The following LARGE1 variants were observed in gnomAD, a reference collection of about 807,000 sequenced individuals.
LARGE1 encodes LARGE xylosyl- and glucuronyltransferase 1, also known as xylosyl- and glucuronyltransferase LARGE1.
Under a neutral mutation model 87.6 loss-of-function variants are expected in LARGE1, and 43 were observed. That is an observed-to-expected ratio of 0.49 (90% confidence interval 0.38 to 0.63). LARGE1 has a LOEUF of 0.63. LARGE1 is among the 30% of genes least tolerant of loss of function. LARGE1 has a pLI of 0.00. For synonymous variants in LARGE1, 434 were observed against 394.6 expected, an observed-to-expected ratio of 1.10 and a Z score of -1.18; for missense variants, 802 against 1,000.2, an observed-to-expected ratio of 0.80 and a Z score of 2.67.
chr22:33,466,114 G>A (rs2068597664), intron 6 of LARGE1, among the ~76,000 whole-genome samples: 1 of 152,090 alleles, frequency 6.6e-6, no homozygotes, highest in Non-Finnish European at 1.5e-5. Flanking sequence ...CCCCGGCCAT[G>A]TTGGACTTTC....
At chr22:33,236,155 C>T (rs997469667) in intron 11 of LARGE1, among the ~76,000 whole-genome samples, 1 of 152,176 alleles carries the variant, frequency 6.6e-6, no homozygotes, top group African/African-American at 2.4e-5. Flanking sequence ...ACTCTGCTGA[C>T]ACCTTGACTT....
At chr22:33,392,789 A>G (rs2065580775) in intron 7 of LARGE1, among the ~76,000 whole-genome samples, 1 of 152,226 alleles carries the variant, frequency 6.6e-6, no homozygotes, top group Non-Finnish European at 1.5e-5. Context: ...TTATTAATGG[A>G]TAATTAATGT....
intron 2 of LARGE1, among the ~76,000 whole-genome samples, chr22:33,712,630 G>A (rs1003999651): frequency 1.4e-5 from 2 of 144,934 alleles, no homozygotes; most frequent in Non-Finnish European, 3.0e-5. Context: ...TGAGGGGTGA[G>A]GGGTACAGTG....
chr22:33,466,308 T>G (rs932868716), intron 6 of LARGE1, among the ~76,000 whole-genome samples: 4 of 152,052 alleles, frequency 2.6e-5, no homozygotes, highest in Non-Finnish European at 5.9e-5. Context: ...TTACTCTTGT[T>G]CTCTCTTTCT....
intron 1 of LARGE1, among the ~76,000 whole-genome samples, chr22:33,778,285 G>C (rs1296743792): frequency 6.6e-6 from 1 of 152,136 alleles, no homozygotes; most frequent in South Asian, 2.1e-4. Context: ...CCCCTGATTT[G>C]AGCCACATAA....
intron 11 of LARGE1, among the ~76,000 whole-genome samples, chr22:33,309,154 T>C (rs997194492): frequency 6.6e-6 from 1 of 151,088 alleles, no homozygotes; most frequent in Non-Finnish European, 1.5e-5. Flanking sequence ...GGAACTCTCT[T>C]GAATGAGATT....
At chr22:33,766,045 A>G (rs998273499) in intron 1 of LARGE1, among the ~76,000 whole-genome samples, 2 of 152,210 alleles carry the variant, frequency 1.3e-5, no homozygotes, top group African/African-American at 4.8e-5. Flanking sequence ...TTTTAAGAAA[A>G]ATCTCAATCT....
intron 1 of LARGE1, among the ~76,000 whole-genome samples, chr22:33,844,538 T>C (rs139685034): frequency 6.6e-6 from 1 of 152,192 alleles, no homozygotes; most frequent in East Asian, 1.9e-4. Context: ...CCTATCTTCC[T>C]TGGGGCCCCT....
intron 1 of LARGE1, among the ~76,000 whole-genome samples, chr22:33,766,147 A>T (rs937087820): frequency 6.6e-6 from 1 of 152,188 alleles, no homozygotes; most frequent in South Asian, 2.1e-4. Flanking sequence ...TTACATCACG[A>T]ACATGTGCAA....
intron 1 of LARGE1, among the ~76,000 whole-genome samples, chr22:33,807,288 A>G (rs2086342666): frequency 6.6e-6 from 1 of 152,202 alleles, no homozygotes; most frequent in Non-Finnish European, 1.5e-5. Flanking sequence ...AAATTAATCT[A>G]CACGATTAAT....
intron 11 of LARGE1, among the ~76,000 whole-genome samples, chr22:33,255,505 T>G (rs925788907): frequency 6.6e-6 from 1 of 152,200 alleles, no homozygotes; most frequent in African/African-American, 2.4e-5. Flanking sequence ...CCCTCCAGCC[T>G]GGCAAAATGA....
intron 1 of LARGE1, among the ~76,000 whole-genome samples, chr22:33,799,585 C>A (rs981307639): frequency 1.3e-5 from 2 of 152,092 alleles, no homozygotes; most frequent in Non-Finnish European, 2.9e-5. Flanking sequence ...GGATTACAGG[C>A]ATGCACCACC....
At chr22:33,893,648 T>G (rs2065060614) in intron 1 of LARGE1, among the ~76,000 whole-genome samples, 2 of 152,198 alleles carry the variant, frequency 1.3e-5, no homozygotes, top group Non-Finnish European at 2.9e-5. Context: ...GCTTCAACTT[T>G]CAAAAGCTGT....
intron 7 of LARGE1, among the ~76,000 whole-genome samples, chr22:33,411,306 T>C (rs974055241): frequency 5.9e-5 from 9 of 152,260 alleles, no homozygotes; most frequent in South Asian, 2.1e-4. Context: ...CTGTTTCACT[T>C]GGCCACTGGT....
intron 1 of LARGE1, among the ~76,000 whole-genome samples, chr22:33,782,661 T>A (rs2085459509): frequency 6.6e-6 from 1 of 151,732 alleles, no homozygotes; most frequent in Non-Finnish European, 1.5e-5. Context: ...GGTCAGGAGA[T>A]CAAGACCATC....
intron 1 of LARGE1, among the ~76,000 whole-genome samples, chr22:33,803,927 T>C (rs1422762574): frequency 1.3e-5 from 2 of 152,190 alleles, no homozygotes; most frequent in East Asian, 3.9e-4. Context: ...CTGAGAATGA[T>C]GGGAACCCTC....
At chr22:33,816,079 C>A (rs543481204) in intron 1 of LARGE1, among the ~76,000 whole-genome samples, 1 of 152,164 alleles carries the variant, frequency 6.6e-6, no homozygotes, top group African/African-American at 2.4e-5. Context: ...GATGCCCACA[C>A]TGTTTTTACA....
At chr22:33,533,806 C>A (rs2076963701) in intron 6 of LARGE1, among the ~76,000 whole-genome samples, 1 of 151,686 alleles carries the variant, frequency 6.6e-6, no homozygotes, top group Admixed American at 6.6e-5. Context: ...TTCAAAGCTG[C>A]CTTTTTTAAA....
rs546068901 is a variant in LARGE1, at chr22:33,537,152, T to C, written c.787+27696A>G. 2.0e-5 allele frequency among the ~76,000 whole-genome samples: 3 copies of C among 152,342 alleles called. No individual in the cohort carries two copies. The East Asian group carries it at 5.8e-4, about 29-fold the overall frequency. ...AGTGTGTCAGTTTTCCTATTCCTTCTGTACCACATTTCACTACAAATGACG... is the reference window on the plus strand; with the variant it reads ...AGTGTGTCAGTTTTCCTATTCCTTCCGTACCACATTTCACTACAAATGACG... On this transcript the variant is annotated intron_variant, in intron 6 of 14. Transcript: ENST00000397394.
Sources: allele counts gnomAD v4.1 joint callset (sites outside exome capture counted in the v4.1 genomes callset), GRCh38; gene constraint gnomAD v4.1.1; transcripts MANE v1.5; gene names NCBI Gene and HGNC (gene_info 2026-07-23, HGNC 2026-07-21).